The following VSTM5 variants were observed in gnomAD, a reference collection of about 807,000 sequenced individuals.
VSTM5 encodes the protein V-set and transmembrane domain containing 5.
VSTM5 carries 21 observed loss-of-function variants against 20.3 expected under a neutral mutation model. The observed-to-expected ratio is 1.03, with a 90% CI of 0.73 to 1.49. The LOEUF (loss-of-function observed/expected upper bound fraction) is 1.49, where lower values mean the gene tolerates loss of function less well. Ranked by LOEUF, VSTM5 falls within the 40% of genes most tolerant of loss-of-function variation. The pLI is 0.00. For missense variants in VSTM5, 219 were observed against 250.0 expected (o/e 0.88, Z 0.84); for synonymous variants, 100 against 102.5 (o/e 0.98, Z 0.14).
intron 1 of VSTM5, among the ~76,000 whole-genome samples, chr11:93,840,605 C>T (rs1416708431): frequency 1.3e-5 from 2 of 152,186 alleles, no homozygotes; most frequent in Non-Finnish European, 2.9e-5. Flanking sequence ...AGTCCTATTT[C>T]TAGGGATGCT....
At chr11:93,837,518 A>C (rs1340615963) in intron 1 of VSTM5, among the ~76,000 whole-genome samples, 1 of 152,000 alleles carries the variant, frequency 6.6e-6, no homozygotes, top group Non-Finnish European at 1.5e-5. Flanking sequence ...AGAGGAAATC[A>C]GTCAAGCAGA....
chr11:93,850,357 T>G, intron 1 of VSTM5, 55 bp downstream of exon 1: 248 of 1,334,712 alleles, frequency 1.9e-4, no homozygotes, highest in Non-Finnish European at 2.2e-4. Context: ...GCCCCGCCCG[T>G]GCCCCCCTAC....
At chr11:93,842,212 G>T (rs116177627) in intron 1 of VSTM5, among the ~76,000 whole-genome samples, 1,863 of 152,266 alleles carry the variant, frequency 0.012, 47 homozygotes, top group African/African-American at 0.042. Context: ...CCCATCCTTG[G>T]GGGTATGTAA....
chr11:93,830,784 G>T (rs1351128184), intron 1 of VSTM5, among the ~76,000 whole-genome samples: 3 of 150,438 alleles, frequency 2.0e-5, no homozygotes, highest in Admixed American at 6.6e-5. Context: ...TTGAGATAAG[G>T]TCTCACTACT....
At chr11:93,837,302 G>A (rs1194648899) in intron 1 of VSTM5, among the ~76,000 whole-genome samples, 2 of 152,138 alleles carry the variant, frequency 1.3e-5, no homozygotes, top group African/African-American at 4.8e-5. Flanking sequence ...AAAGTGCTGG[G>A]ATTGTAGGTG....
intron 1 of VSTM5, among the ~76,000 whole-genome samples, chr11:93,825,755 CTTTTCTT>C (rs926158002): frequency 1.4e-5 from 2 of 142,554 alleles, no homozygotes; most frequent in African/African-American, 2.6e-5. Flanking sequence ...TTTTCTTTTT[CTTTTCTT>C]TTTTCTTTTT....
intron 1 of VSTM5, among the ~76,000 whole-genome samples, chr11:93,831,242 A>T (rs634325): frequency 0.83 from 126,176 of 151,842 alleles, 52,843 homozygotes; most frequent in Admixed American, 0.91. Flanking sequence ...GTGTTCAGGC[A>T]GGTCTCGAAC....
In VSTM5 at chr11:93,821,336, A is replaced by G. The variant is rs1944184572; in HGVS notation, c.92-13T>C. 6.5e-7 allele frequency: 1 copy of G among 1,546,306 alleles called. No individual in the cohort carries two copies. Among genetic ancestry groups the G allele is most frequent in the Admixed American group, 2.0e-5 (1 of 50,868 alleles). Reference sequence around the variant, plus strand: ...GACACACCCTGACCTGCAGGATGATATGCTGGATGTTGGGCACATATATAT... The same window carrying G: ...GACACACCCTGACCTGCAGGATGATGTGCTGGATGTTGGGCACATATATAT... On this transcript the variant is annotated splice_polypyrimidine_tract_variant and intron_variant, in intron 1 of 3. Coordinates refer to ENST00000409977, the MANE Select transcript of VSTM5 (RefSeq NM_001144871.2).
chr11:93,837,278 C>T (rs1944330690), intron 1 of VSTM5, among the ~76,000 whole-genome samples: 1 of 152,130 alleles, frequency 6.6e-6, no homozygotes, highest in Admixed American at 6.6e-5. Context: ...GTGATCTGCC[C>T]ACCTTGGCCT....
chr11:93,849,124 A>ATT (rs947912370), intron 1 of VSTM5, among the ~76,000 whole-genome samples: 1 of 151,706 alleles, frequency 6.6e-6, no homozygotes, highest in African/African-American at 2.4e-5. Flanking sequence ...ACATAATATT[A>ATT]TTTTTTCTCT....
chr11:93,835,837 A>G (rs1369071726), intron 1 of VSTM5, among the ~76,000 whole-genome samples: 1 of 152,260 alleles, frequency 6.6e-6, no homozygotes, highest in Non-Finnish European at 1.5e-5. Flanking sequence ...TCCAGGGGGT[A>G]AGGAGGAGGA....
At chr11:93,829,174 C>T (rs1944261478) in intron 1 of VSTM5, among the ~76,000 whole-genome samples, 1 of 152,194 alleles carries the variant, frequency 6.6e-6, no homozygotes, top group Admixed American at 6.5e-5. Context: ...TTGTCCAGGA[C>T]TGAGAGATTT....
intron 1 of VSTM5, among the ~76,000 whole-genome samples, chr11:93,829,081 C>T (rs1426765474): frequency 1.3e-5 from 2 of 152,198 alleles, no homozygotes; most frequent in African/African-American, 2.4e-5. Context: ...TGTGTTCATC[C>T]AGGAGCCGCA....
chr11:93,820,782 C>T lies in VSTM5; in HGVS notation c.520G>A (p.Ala174Thr), dbSNP rs1278394748. The T allele has an allele frequency of 1.5e-5, 23 of 1,551,470 alleles. No individual in the cohort carries two copies. In the Admixed American group the frequency reaches 4.3e-4, roughly 29 times the overall value. Residue 174 changes from alanine to threonine, a missense_variant, in exon 3 of 4, where the codon GCA becomes ACA. Coordinates refer to ENST00000409977, the MANE Select transcript of VSTM5 (RefSeq NM_001144871.2). ...CTTCTCTTCCTCTGAAATTTATATG[C>T]ACACTTATTACAAACCCACATGAGG... ...ISLMWVCNKC[A>T]YKFQRKRRHK... is the part of the protein sequence containing the mutation.
intron 1 of VSTM5, among the ~76,000 whole-genome samples, chr11:93,829,975 C>T (rs1321354001): frequency 1.3e-5 from 2 of 152,130 alleles, no homozygotes; most frequent in Non-Finnish European, 2.9e-5. Context: ...TAAGGTGGGG[C>T]ATAAATAACA....
intron 1 of VSTM5, among the ~76,000 whole-genome samples, chr11:93,843,090 A>T (rs1405456202): frequency 1.5e-5 from 2 of 135,942 alleles, no homozygotes; most frequent in African/African-American, 3.1e-5. Flanking sequence ...CACTCTGTCT[A>T]AAAAAAAAAA....
At position 93,821,097 on chromosome 11, in the gene VSTM5, C is replaced by T; in HGVS notation, c.318G>A (p.Gln106=). The T allele has an allele frequency of 1.3e-6, 2 of 1,551,926 alleles. No individual in the cohort carries two copies. The highest frequency in any genetic ancestry group is 1.7e-6 in the Non-Finnish European group (2 of 1,147,044). Residue 106 remains glutamine (Q), a synonymous_variant, in exon 2 of 4, where the codon CAG becomes CAA. Transcript: ENST00000409977. ...AATCCCTCACTCCCACGCTGAAGAG[C>T]TGGATGGAGCCGTTGTCAAAGGTGC... ...RVCTFDNGSI[Q]LFSVGVRDSG...
intron 1 of VSTM5, among the ~76,000 whole-genome samples, chr11:93,832,790 G>A (rs1944293213): frequency 2.0e-5 from 3 of 152,212 alleles, no homozygotes; most frequent in Admixed American, 2.0e-4. Context: ...AGAGACGTAA[G>A]TGTCCAAGTC....
chr11:93,823,127 T>C (rs1458811945), intron 1 of VSTM5, among the ~76,000 whole-genome samples: 1 of 151,966 alleles, frequency 6.6e-6, no homozygotes, highest in African/African-American at 2.4e-5. Flanking sequence ...CAGATGCTGA[T>C]ACAACTGGAA....
Sources: gnomAD v4.1 joint callset for allele counts (sites outside exome capture counted in the v4.1 genomes callset) on GRCh38, gnomAD v4.1.1 for gene constraint, MANE v1.5 for transcripts, NCBI Gene and HGNC (gene_info 2026-07-23, HGNC 2026-07-21) for gene names.